RIF1: variants seen among roughly 807,000 people sequenced by gnomAD.
RIF1 encodes the protein telomere-associated protein RIF1.
A neutral mutation model predicts 247.1 loss-of-function variants in RIF1; 45 were observed. The observed-to-expected ratio is 0.18, with a 90% CI of 0.14 to 0.23. The LOEUF (loss-of-function observed/expected upper bound fraction) is 0.23. RIF1 is among the 10% of genes least tolerant of loss of function. The pLI, the probability that RIF1 is intolerant of heterozygous loss-of-function variation, is 1.00. For synonymous variants in RIF1, 1,087 were observed against 978.8 expected, an observed-to-expected ratio of 1.11 and a Z score of -2.06; for missense variants, 2,967 against 2,862.5, an observed-to-expected ratio of 1.04 and a Z score of -0.83.
At chr2:151,419,643 C>T (rs1485747748) in intron 6 of RIF1, among the ~76,000 whole-genome samples, 2 of 152,068 alleles carry the variant, frequency 1.3e-5, no homozygotes, top group Non-Finnish European at 2.9e-5. Flanking sequence ...TTATCATTAT[C>T]ATATAGTACA....
At chr2:151,470,898 A>C (rs1309805183) in intron 34 of RIF1, among the ~76,000 whole-genome samples, 1 of 152,180 alleles carries the variant, frequency 6.6e-6, no homozygotes, top group Non-Finnish European at 1.5e-5. Context: ...TATGAGAATT[A>C]GGTTTTTTTT....
downstream of RIF1, among the ~76,000 whole-genome samples, chr2:151,511,564 A>G (rs1018210677): frequency 4.7e-4 from 71 of 152,340 alleles, no homozygotes; most frequent in African/African-American, 7.0e-4. Context: ...CCAGGTGCCT[A>G]TAAAGCACAG....
At chr2:151,514,826 C>T in the RIF1 span, 1 of 1,570,326 alleles carries the variant, frequency 6.4e-7, no homozygotes, top group Non-Finnish European at 8.6e-7. Context: ...ACCTCGCTTG[C>T]TATTTTAGTT....
chr2:151,490,736 A>C (rs2055807146), intron 9 of RIF1, among the ~76,000 whole-genome samples: 1 of 152,204 alleles, frequency 6.6e-6, no homozygotes, highest in Non-Finnish European at 1.5e-5. Context: ...TGGAACAGTT[A>C]AGTTGTACAG....
chr2:151,454,855 A>G (rs767364951), intron 21 of RIF1, 40 bp from the exon 22 acceptor site: 21 of 1,478,116 alleles, frequency 1.4e-5, no homozygotes, highest in Middle Eastern at 1.8e-4. Context: ...CCTATTTTCA[A>G]TTTATTTGAG....
chr2:151,483,799 G>C (rs1314984479), downstream of RIF1, among the ~76,000 whole-genome samples: 2 of 152,120 alleles, frequency 1.3e-5, no homozygotes, highest in Non-Finnish European at 2.9e-5. Context: ...TCTGCCTCCT[G>C]TCAGCTCACT....
rs11305290 is a variant in RIF1, at chr2:151,478,920, TG to T, written c.*3851del. On this transcript the variant is annotated 3_prime_UTR_variant, in exon 36 of 36. Coordinates refer to ENST00000444746, the MANE Select transcript of RIF1 (RefSeq NM_018151.5). The stretch of plus-strand genomic sequence containing the variant: ...ACTGTTTCCTCATTGCTGCAACCCA[TG>T]GTCTATCCTATTCCTAAGCCATTAG... 0.65 allele frequency: 98,455 copies of T among 152,032 alleles called. 32,261 individuals carry two copies. The highest frequency in any genetic ancestry group is 0.77 in the East Asian group (4,001 of 5,168). 9.4% of individuals were successfully genotyped at this position (152,032 alleles called of 1,614,324 possible).
chr2:151,529,405 A>G, the RIF1 span: 7 of 812,816 alleles, frequency 8.6e-6, no homozygotes, highest in African/African-American at 3.4e-5. Context: ...ATGCATGACT[A>G]TAGTACACAA....
intron 15 of RIF1, 143 bp downstream of exon 15, chr2:151,440,270 G>C (rs1033532484): frequency 3.2e-6 from 2 of 616,648 alleles, no homozygotes; most frequent in East Asian, 6.0e-5. Context: ...TGCAATAAGT[G>C]CCATTCTATT....
intron 8 of RIF1, chr2:151,423,872 ATGT>A (rs1688566985): frequency 1.3e-5 from 2 of 152,162 alleles, no homozygotes; most frequent in East Asian, 3.9e-4. Context: ...TCTATTCATA[ATGT>A]TGTAAGCATC....
chr2:151,434,740 G>T (rs1690839041), intron 10 of RIF1, among the ~76,000 whole-genome samples: 1 of 151,922 alleles, frequency 6.6e-6, no homozygotes, highest in Non-Finnish European at 1.5e-5. Context: ...GCGCCAGCCT[G>T]GTTTTTGAAT....
chr2:151,411,209 T>C (rs747415867), intron 2 of RIF1, 51 bp from the exon 3 acceptor site: 1 of 875,476 alleles, frequency 1.1e-6, no homozygotes, highest in South Asian at 1.6e-5. Context: ...TTGAGAGTAT[T>C]TTTTTTTTTC....
intron 10 of RIF1, among the ~76,000 whole-genome samples, chr2:151,434,140 C>T (rs1690691546): frequency 6.7e-6 from 1 of 150,150 alleles, no homozygotes. Flanking sequence ...TGCACTCCAG[C>T]CCAGGCAACA....
In RIF1 at chr2:151,443,687, C is replaced by T; in HGVS notation, c.1964C>T (p.Pro655Leu). The T allele has an allele frequency of 6.3e-7, 1 of 1,588,752 alleles. No homozygotes were observed. The highest frequency in any genetic ancestry group is 8.5e-7 in the Non-Finnish European group (1 of 1,172,064). Residue 655 changes from proline (P) to leucine (L), a missense_variant, in exon 18 of 36, where the codon CCA (proline) becomes CTA (leucine). By Grantham distance (98) the Pro-to-Leu change is moderately conservative. Transcript: ENST00000444746. The stretch of plus-strand genomic sequence containing the variant: ...AAAATGTGGAGTGTTATAGTCACCC[C>T]ATTAACTGAATTGATTAATCAGGTA... ...LWKMWSVIVT[P>L]LTELINQTNE...
intron 11 of RIF1, 30 bp downstream of exon 11, chr2:151,435,610 T>C (rs1353730244): frequency 7.1e-6 from 9 of 1,272,904 alleles, no homozygotes; most frequent in African/African-American, 2.9e-5. Flanking sequence ...GTTTTTTGCT[T>C]TTTTAATCAG....
rs1574131737 is a variant in RIF1, at chr2:151,464,273, C to A, written c.4753C>A (p.Gln1585Lys). The A allele has an allele frequency of 1.2e-6, 2 of 1,613,702 alleles. No homozygotes were observed. The highest frequency in any genetic ancestry group is 2.2e-5 in the South Asian group (2 of 91,028). Residue 1585 changes from glutamine to lysine, a missense_variant, in exon 30 of 36, where the codon CAA (glutamine) becomes AAA (lysine). Gln to Lys is a moderately conservative substitution (Grantham distance 53). Around this residue, in one of 7 missense-constraint regions of RIF1, gnomAD observed 2,028 missense variants for 1,825.6 expected, o/e 1.11. Coordinates refer to ENST00000444746, the MANE Select transcript of RIF1 (RefSeq NM_018151.5). ...CAATGAAAGTGTTGACATTCAAGAT[C>A]AAGAAGAGAAAGTGGTGAAACAGGA... The part of the protein sequence containing the change: ...KSNESVDIQD[Q>K]EEKVVKQECI...
At chr2:151,525,107 A>G in the RIF1 span, 13 of 1,222,102 alleles carry the variant, frequency 1.1e-5, no homozygotes, top group Admixed American at 1.7e-5. Flanking sequence ...GAATGCACCA[A>G]TCTGGGTTCC....
At chr2:151,419,314 TA>T (rs1687766555) in intron 6 of RIF1, among the ~76,000 whole-genome samples, 1 of 152,126 alleles carries the variant, frequency 6.6e-6, no homozygotes, top group African/African-American at 2.4e-5. Context: ...CTTAGTCATT[TA>T]TTTTTTGTTT....
chr2:151,454,447 T>C (rs1260353451), intron 21 of RIF1, among the ~76,000 whole-genome samples: 1 of 152,184 alleles, frequency 6.6e-6, no homozygotes, highest in African/African-American at 2.4e-5. Context: ...GGGATCAATG[T>C]ACTATAGATG....
Sources: allele counts gnomAD v4.1 joint callset (sites outside exome capture counted in the v4.1 genomes callset), GRCh38; gene constraint gnomAD v4.1.1; regional missense constraint gnomAD v4.1.1; transcripts MANE v1.5; gene names NCBI Gene and HGNC (gene_info 2026-07-23, HGNC 2026-07-21).